The following MYCBP2 variants were observed in gnomAD, a reference collection of about 807,000 sequenced individuals.
The protein encoded by MYCBP2 is MYC binding protein 2, also known as E3 ubiquitin-protein ligase MYCBP2.
Under a neutral mutation model 525.3 loss-of-function variants are expected in MYCBP2, and 120 were observed. The ratio of observed to expected loss-of-function variants is 0.23; its 90% CI spans 0.20 to 0.27. The LOEUF (loss-of-function observed/expected upper bound fraction) is 0.27, where lower values mean the gene tolerates loss of function less well. Among genes scored for constraint, MYCBP2 ranks in the 10% least tolerant of loss-of-function variants. The probability of loss-of-function intolerance (pLI) is 1.00; values close to 1 mark genes in which losing one functional copy is unlikely to be tolerated. For synonymous variants in MYCBP2, 1,894 were observed against 1,955.8 expected, an observed-to-expected ratio of 0.97 and a Z score of 0.83; for missense variants, 4,149 against 5,657.1, an observed-to-expected ratio of 0.73 and a Z score of 8.55.
chr13:77,286,818 AGACCTTCCAG>A (rs2076884031), intron 3 of MYCBP2, among the ~76,000 whole-genome samples: 2 of 125,720 alleles, frequency 1.6e-5, no homozygotes, highest in South Asian at 2.5e-4. Context: ...ATATATATAT[AGACCTTCCAG>A]TCTTAAATAT....
rs1555465826 is a variant in MYCBP2 at position 77,294,131 on chromosome 13, C to CACAT, written c.378+2467_378+2468insATGT. On this transcript the variant is annotated intron_variant, in intron 2 of 82. Coordinates refer to ENST00000544440, the MANE Select transcript of MYCBP2 (RefSeq NM_015057.5). The stretch of plus-strand genomic sequence containing the variant: ...ATATATATATATATATATATATATA[C>CACAT]ATATATATATACATATATATAAAAT... Among the ~76,000 whole-genome samples the CACAT allele has an allele frequency of 2.3e-3, 154 of 65,706 alleles. 2 individuals carry two copies. The highest frequency in any genetic ancestry group is 5.4e-3 in the African/African-American group (102 of 18,892). 43.1% of individuals were successfully genotyped at this position (65,706 alleles called of 152,430 possible).
At chr13:77,270,651 G>T in intron 5 of MYCBP2, 113 bp from the exon 6 acceptor site, 1 of 1,144,420 alleles carries the variant, frequency 8.7e-7, no homozygotes, top group Non-Finnish European at 1.2e-6. Flanking sequence ...TGTTCAGAAT[G>T]ATATTTCGCA....
Position 77,056,102 on chromosome 13 carries a change from GTGTGTGTGTGT to G in MYCBP2, c.13438-346_13438-336del, listed in dbSNP as rs2037936551. On this transcript the variant is annotated intron_variant, in intron 79 of 82. Coordinates refer to ENST00000544440, the MANE Select transcript of MYCBP2 (RefSeq NM_015057.5). The stretch of plus-strand genomic sequence containing the variant: ...AAATAAGACACGCTCTGTGTTTGGT[GTGTGTGTGTGT>G]GTGTGTGTGTGTGTGTGTGTGTGTG... Among the ~76,000 whole-genome samples the G allele has an allele frequency of 7.1e-4, 36 of 50,972 alleles. 2 individuals are homozygous for G. Among genetic ancestry groups the G allele is most frequent in the African/African-American group, 1.9e-3 (33 of 17,392 alleles). The allele number at this position is 50,972 out of a possible 152,430, so 33.4% of individuals were successfully genotyped here.
intron 5 of MYCBP2, among the ~76,000 whole-genome samples, chr13:77,272,812 T>C (rs2075066051): frequency 6.6e-6 from 1 of 152,186 alleles, no homozygotes; most frequent in African/African-American, 2.4e-5. Flanking sequence ...GAGGCATCCC[T>C]TCCACCTGCC....
intron 26 of MYCBP2, among the ~76,000 whole-genome samples, chr13:77,203,141 A>C (rs1449436923): frequency 2.0e-5 from 3 of 152,164 alleles, no homozygotes; most frequent in Non-Finnish European, 4.4e-5. Context: ...TATATCTAGA[A>C]AACCCCATCA....
chr13:77,193,690 A>C (rs1035797735), intron 27 of MYCBP2, among the ~76,000 whole-genome samples: 1 of 152,200 alleles, frequency 6.6e-6, no homozygotes, highest in African/African-American at 2.4e-5. Context: ...CAGTAAAGCT[A>C]GTCACCTCCC....
intron 43 of MYCBP2, 69 bp from the exon 44 acceptor site, chr13:77,162,024 T>C (rs1206291369): frequency 7.8e-6 from 8 of 1,027,218 alleles, no homozygotes; most frequent in South Asian, 1.4e-5. Flanking sequence ...TCTAGTCCTT[T>C]GCATTCATTA....
chr13:77,313,354 G>A (rs2154377477), intron 1 of MYCBP2, among the ~76,000 whole-genome samples: 1 of 151,908 alleles, frequency 6.6e-6, no homozygotes, highest in South Asian at 2.1e-4. Context: ...CAATGATGAT[G>A]GAAAAGCCAA....
rs1567277353 is a variant in MYCBP2 at position 77,327,083 on chromosome 13, C to G, written c.-308G>C. ...CCGCCACCACCGCCGGGGCTACCCG[C>G]AATGGGAAGCTGCCGGCCTCACAGA... is the stretch of plus-strand genomic sequence containing the variant. On this transcript the variant is annotated 5_prime_UTR_variant, in exon 1 of 83. Transcript: ENST00000544440. 2.3e-6 allele frequency: 1 copy of G among 436,708 alleles called. No homozygotes were observed. 27.1% of individuals were successfully genotyped at this position (436,708 alleles called of 1,614,324 possible).
chr13:77,062,588 G>C lies in MYCBP2; in HGVS notation c.12774+8C>G. The C allele has an allele frequency of 6.2e-7, 1 of 1,607,782 alleles. No individual in the cohort carries two copies. Among genetic ancestry groups the C allele is most frequent in the African/African-American group, 1.3e-5 (1 of 74,920 alleles). ...GCAAGATAAATTCTTACAAAATTCTGATCTTACCATTTGTTTTTGTTGTCC... is the reference window on the plus strand; with the variant it reads ...GCAAGATAAATTCTTACAAAATTCTCATCTTACCATTTGTTTTTGTTGTCC... On this transcript the variant is annotated splice_region_variant and intron_variant, in intron 74 of 82. Coordinates refer to ENST00000544440, the MANE Select transcript of MYCBP2 (RefSeq NM_015057.5).
chr13:77,124,906 A>G (rs2051379456), intron 54 of MYCBP2, among the ~76,000 whole-genome samples: 1 of 152,214 alleles, frequency 6.6e-6, no homozygotes, highest in Non-Finnish European at 1.5e-5. Context: ...CCCTAAAGAC[A>G]CTATGCATTT....
At chr13:77,145,468 T>C (rs774729880) in intron 48 of MYCBP2, among the ~76,000 whole-genome samples, 1 of 152,178 alleles carries the variant, frequency 6.6e-6, no homozygotes, top group Non-Finnish European at 1.5e-5. Flanking sequence ...ATGCCATCTA[T>C]CTAGGTGACA....
At chr13:77,232,466 C>A (rs2067267064) in intron 18 of MYCBP2, among the ~76,000 whole-genome samples, 1 of 152,084 alleles carries the variant, frequency 6.6e-6, no homozygotes, top group Admixed American at 6.6e-5. Flanking sequence ...TTGTGGTTTA[C>A]AAGAAAATAA....
At chr13:77,202,829 T>C (rs2062798637) in intron 26 of MYCBP2, among the ~76,000 whole-genome samples, 1 of 152,162 alleles carries the variant, frequency 6.6e-6, no homozygotes, top group South Asian at 2.1e-4. Flanking sequence ...AAAAGGCCTT[T>C]GACAAAATTC....
At chr13:77,148,474 T>C (rs932167916) in intron 47 of MYCBP2, among the ~76,000 whole-genome samples, 2 of 152,048 alleles carry the variant, frequency 1.3e-5, no homozygotes, top group African/African-American at 4.8e-5. Flanking sequence ...ACTATTCTTA[T>C]ATCTACTTTG....
At chr13:77,275,384 T>C (rs1013316481) in intron 4 of MYCBP2, among the ~76,000 whole-genome samples, 1 of 152,236 alleles carries the variant, frequency 6.6e-6, no homozygotes, top group Non-Finnish European at 1.5e-5. Flanking sequence ...TCTAGCCATA[T>C]TGCTCTTCTT....
At chr13:77,282,940 T>C (rs116525466) in intron 3 of MYCBP2, among the ~76,000 whole-genome samples, 1,557 of 152,252 alleles carry the variant, frequency 0.01, 25 homozygotes, top group African/African-American at 0.034. Context: ...ACTACCATAA[T>C]TCCAACCCTC....
At chr13:77,321,371 A>G (rs1363658216) in intron 1 of MYCBP2, among the ~76,000 whole-genome samples, 1 of 152,248 alleles carries the variant, frequency 6.6e-6, no homozygotes, top group East Asian at 1.9e-4. Context: ...TTCCACTGAT[A>G]TAACAGCTAC....
In MYCBP2 at chr13:77,260,699, C is replaced by T. The variant is rs1285004768; in HGVS notation, c.1853-107G>A. ...AAACCCATATTATTTGCATTTATGACACTATTTGTTTATTTTCACAAAGGC... is the reference window on the plus strand; with the variant it reads ...AAACCCATATTATTTGCATTTATGATACTATTTGTTTATTTTCACAAAGGC... On this transcript the variant is annotated intron_variant, in intron 12 of 82. Coordinates refer to ENST00000544440, the MANE Select transcript of MYCBP2 (RefSeq NM_015057.5). 5.0e-6 allele frequency: 5 copies of T among 999,158 alleles called. No individual in the cohort carries two copies. The African/African-American group carries it at 6.9e-5, about 14-fold the overall frequency. The allele number at this position is 999,158 out of a possible 1,614,324, so 61.9% of individuals were successfully genotyped here.
Sources: gnomAD v4.1 joint callset for allele counts (sites outside exome capture counted in the v4.1 genomes callset) on GRCh38, gnomAD v4.1.1 for gene constraint, MANE v1.5 for transcripts, NCBI Gene and HGNC (gene_info 2026-07-23, HGNC 2026-07-21) for gene names.